Variants in NKAIN2 observed in about 807,000 individuals in gnomAD.
NKAIN2 encodes the protein sodium/potassium-transporting ATPase subunit beta-1-interacting protein 2.
In NKAIN2, 14 loss-of-function variants were observed where a neutral mutation model predicts 32.6. The ratio of observed to expected loss-of-function variants is 0.43; its 90% CI spans 0.28 to 0.67. NKAIN2 has a LOEUF of 0.67. Among genes scored for constraint, NKAIN2 ranks in the 30% least tolerant of loss-of-function variants. The pLI is 0.17. For missense variants in NKAIN2, 198 were observed against 258.3 expected (o/e 0.77, Z 1.60); for synonymous variants, 80 against 87.2 (o/e 0.92, Z 0.46).
intron 1 of NKAIN2, among the ~76,000 whole-genome samples, chr6:123,942,538 G>A (rs1776870689): frequency 6.6e-6 from 1 of 151,864 alleles, no homozygotes. Context: ...TTTTACCCTG[G>A]AGCTCAGTAT....
chr6:124,209,549 C>T (rs139635718), intron 1 of NKAIN2, among the ~76,000 whole-genome samples: 31 of 151,818 alleles, frequency 2.0e-4, no homozygotes, highest in African/African-American at 7.5e-4. Context: ...AGTGACTATA[C>T]TAATAATAGT....
At chr6:124,320,095 T>G (rs916133459) in intron 2 of NKAIN2, among the ~76,000 whole-genome samples, 2 of 152,178 alleles carry the variant, frequency 1.3e-5, no homozygotes, top group African/African-American at 2.4e-5. Flanking sequence ...AAAGCTGAGC[T>G]TGCTCTTTTG....
intron 1 of NKAIN2, among the ~76,000 whole-genome samples, chr6:123,885,658 T>A (rs1490357): frequency 0.57 from 86,223 of 151,762 alleles, 24,802 homozygotes; most frequent in East Asian, 0.69. Context: ...ATGCAAGAAC[T>A]GCTGCCAGTC....
rs533547142 is a variant in NKAIN2, at chr6:123,840,863, G to A, written c.54+36609G>A. ...ATACTATTTATATATGTTTCCTGTA[G>A]GGATGTTAGAAAACTTTTCAAAGTG... On this transcript the variant is annotated intron_variant, in intron 1 of 6. Coordinates refer to ENST00000368417, the MANE Select transcript of NKAIN2 (RefSeq NM_001040214.3). Among the ~76,000 whole-genome samples, 150 of 152,164 alleles carry A rather than the reference G, an allele frequency of 9.9e-4. 2 individuals are homozygous for A. The highest frequency in any genetic ancestry group is 3.5e-3 in the African/African-American group (147 of 41,534).
At chr6:123,966,091 A>G (rs1169018550) in intron 1 of NKAIN2, among the ~76,000 whole-genome samples, 1 of 152,176 alleles carries the variant, frequency 6.6e-6, no homozygotes, top group Non-Finnish European at 1.5e-5. Flanking sequence ...CTTACATTTC[A>G]GTGGGCATGA....
rs576460330 is a variant in NKAIN2 at position 124,570,590 on chromosome 6, C to A, written c.274-87596C>A. On this transcript the variant is annotated intron_variant, in intron 3 of 6. Coordinates refer to ENST00000368417, the MANE Select transcript of NKAIN2 (RefSeq NM_001040214.3). ...TTGGCAGCTTCTACGTGGTGTTGAA[C>A]CTGCAGGTGCACAGAAGTCAATAAT... 3.4e-3 allele frequency among the ~76,000 whole-genome samples: 515 copies of A among 152,242 alleles called. 2 individuals carry two copies. Among genetic ancestry groups the A allele is most frequent in the African/African-American group, 0.012 (503 of 41,534 alleles).
chr6:124,512,369 G>A (rs1161577350), intron 3 of NKAIN2, among the ~76,000 whole-genome samples: 1 of 152,160 alleles, frequency 6.6e-6, no homozygotes, highest in African/African-American at 2.4e-5. Context: ...AGCAAGAGTA[G>A]ATGTCATTTA....
chr6:124,386,223 C>T (rs1353284626), intron 3 of NKAIN2, among the ~76,000 whole-genome samples: 5 of 152,110 alleles, frequency 3.3e-5, no homozygotes, highest in South Asian at 4.1e-4. Flanking sequence ...GAGAAGTACT[C>T]GCTGGTAACG....
intron 1 of NKAIN2, among the ~76,000 whole-genome samples, chr6:124,271,570 G>A (rs545036862): frequency 6.6e-6 from 1 of 152,296 alleles, no homozygotes; most frequent in South Asian, 2.1e-4. Flanking sequence ...TTGTAGCAGT[G>A]TGAAAATGGA....
chr6:123,839,324 G>C (rs1582627396), intron 1 of NKAIN2, among the ~76,000 whole-genome samples: 3 of 151,250 alleles, frequency 2.0e-5, no homozygotes, highest in East Asian at 3.9e-4. Context: ...GAAAAATACT[G>C]TAAAGTTATT....
chr6:124,117,659 A>G (rs1255165816), intron 1 of NKAIN2, among the ~76,000 whole-genome samples: 1 of 152,064 alleles, frequency 6.6e-6, no homozygotes, highest in Non-Finnish European at 1.5e-5. Flanking sequence ...TAATAATAAT[A>G]ATAAAAAAAG....
At position 124,235,579 on chromosome 6, in the gene NKAIN2, AG is replaced by A. The variant is rs1399686124; in HGVS notation, c.55-47425del. On this transcript the variant is annotated intron_variant, in intron 1 of 6. Coordinates refer to ENST00000368417, the MANE Select transcript of NKAIN2 (RefSeq NM_001040214.3). ...ATGGTGAGTTTTGGAGTAAAATTTT[AG>A]TTTTGTTTTTGTTTTTTTGTTGTTT... Among the ~76,000 whole-genome samples, 4 of 143,166 alleles carry A rather than the reference AG, an allele frequency of 2.8e-5. No individual in the cohort carries two copies. In the South Asian group the frequency reaches 9.5e-4, roughly 34 times the overall value. 93.9% of individuals were successfully genotyped at this position (143,166 alleles called of 152,430 possible). A position where few individuals can be genotyped will look rare whatever the true frequency, so the allele number is the denominator to read the frequency against.
chr6:123,968,268 C>T (rs780181979), intron 1 of NKAIN2, among the ~76,000 whole-genome samples: 6 of 152,146 alleles, frequency 3.9e-5, no homozygotes, highest in Non-Finnish European at 7.4e-5. Flanking sequence ...GCCAGGGGGA[C>T]GGCTTTTCTG....
At chr6:124,654,421 G>A (rs1225367993) in intron 3 of NKAIN2, among the ~76,000 whole-genome samples, 5 of 151,730 alleles carry the variant, frequency 3.3e-5, no homozygotes, top group African/African-American at 1.2e-4. Context: ...AATCTCAAAC[G>A]TAAGTTAAAA....
intron 1 of NKAIN2, among the ~76,000 whole-genome samples, chr6:124,270,005 A>G (rs1356509790): frequency 6.6e-6 from 1 of 152,212 alleles, no homozygotes; most frequent in African/African-American, 2.4e-5. Context: ...AGTCAGAGAC[A>G]CTGTCCTGAA....
chr6:124,640,495 C>A (rs1467186288), intron 3 of NKAIN2, among the ~76,000 whole-genome samples: 1 of 151,970 alleles, frequency 6.6e-6, no homozygotes, highest in Non-Finnish European at 1.5e-5. Context: ...GGAACACTCA[C>A]AATATGGGAA....
chr6:123,881,273 C>T (rs1469333235), intron 1 of NKAIN2, among the ~76,000 whole-genome samples: 3 of 152,110 alleles, frequency 2.0e-5, no homozygotes, highest in South Asian at 2.1e-4. Context: ...CCGCCCACCT[C>T]GGCCTCCCAA....
chr6:124,504,902 C>G, intron 3 of NKAIN2, among the ~76,000 whole-genome samples: 1 of 152,134 alleles, frequency 6.6e-6, no homozygotes, highest in East Asian at 1.9e-4. Context: ...CTCTGGGAAA[C>G]CAGATATTTG....
At chr6:124,008,040 C>T (rs1174050523) in intron 1 of NKAIN2, among the ~76,000 whole-genome samples, 2 of 152,126 alleles carry the variant, frequency 1.3e-5, no homozygotes, top group Non-Finnish European at 2.9e-5. Context: ...CTGTTTAGAG[C>T]CTACAGCTAC....
Sources: gnomAD v4.1 joint callset for allele counts (sites outside exome capture counted in the v4.1 genomes callset) on GRCh38, gnomAD v4.1.1 for gene constraint, MANE v1.5 for transcripts, NCBI Gene and HGNC (gene_info 2026-07-23, HGNC 2026-07-21) for gene names.